The following ATP10B variants were observed in gnomAD, a reference collection of about 807,000 sequenced individuals.
The protein encoded by ATP10B is phospholipid-transporting ATPase VB.
Under a neutral mutation model 141.2 loss-of-function variants are expected in ATP10B, and 122 were observed. The ratio of observed to expected loss-of-function variants is 0.86; its 90% confidence interval spans 0.75 to 1.00. The LOEUF (loss-of-function observed/expected upper bound fraction) is 1.00. Among genes scored for constraint, ATP10B ranks in the 50% least tolerant of loss-of-function variants. The pLI is 0.00. For missense variants in ATP10B, 1,876 were observed against 1,825.3 expected (o/e 1.03, Z -0.51); for synonymous variants, 685 against 692.0 (o/e 0.99, Z 0.16).
chr5:160,771,497 C>T (rs1031922788), intron 2 of ATP10B, among the ~76,000 whole-genome samples: 2 of 151,794 alleles, frequency 1.3e-5, no homozygotes, highest in Non-Finnish European at 2.9e-5. Context: ...ATTTATTGTC[C>T]CTTTTATAAA....
chr5:160,887,950 G>T, the ATP10B span, among the ~76,000 whole-genome samples: 1 of 152,238 alleles, frequency 6.6e-6, no homozygotes, highest in Admixed American at 6.5e-5. Flanking sequence ...GGGAGGCAGA[G>T]ATTTTTGTCT....
chr5:160,641,034 G>C lies in ATP10B; in HGVS notation c.869-442C>G, dbSNP rs1191197867. On this transcript the variant is annotated intron_variant, in intron 9 of 25. Coordinates refer to ENST00000327245, the MANE Select transcript of ATP10B (RefSeq NM_025153.3). Reference sequence around the variant, plus strand: ...CAGTGGGATACAATGGCAAGACATAGGGTTCACATTCTATTGAAGATATAC... The same window carrying C: ...CAGTGGGATACAATGGCAAGACATACGGTTCACATTCTATTGAAGATATAC... 2.6e-5 allele frequency among the ~76,000 whole-genome samples: 4 copies of C among 152,160 alleles called. No homozygotes were observed. In the East Asian group the frequency reaches 5.8e-4, roughly 22 times the overall value.
intron 2 of ATP10B, among the ~76,000 whole-genome samples, chr5:160,778,749 A>G (rs901710267): frequency 1.3e-5 from 2 of 152,234 alleles, no homozygotes; most frequent in African/African-American, 4.8e-5. Flanking sequence ...GTTATTGCTA[A>G]TAGGGGTACG....
rs184120223 is a variant in ATP10B, at chr5:160,846,001, C to T, written c.-576+5940G>A. 2.6e-4 allele frequency among the ~76,000 whole-genome samples: 40 copies of T among 152,226 alleles called. 1 individual carries two copies. The highest frequency in any genetic ancestry group is 9.1e-4 in the African/African-American group (38 of 41,542). Reference sequence around the variant, plus strand: ...AATATTCTTTTGCTTTGTGGACACTCATTTCTAATCTCCAAAGAGAATACA... The same window carrying T: ...AATATTCTTTTGCTTTGTGGACACTTATTTCTAATCTCCAAAGAGAATACA... On this transcript the variant is annotated intron_variant, in intron 1 of 25. Transcript: ENST00000327245.
At chr5:160,740,398 T>TA (rs1561805723) in intron 2 of ATP10B, among the ~76,000 whole-genome samples, 1 of 152,202 alleles carries the variant, frequency 6.6e-6, no homozygotes, top group Non-Finnish European at 1.5e-5. Context: ...GCAGGGAACT[T>TA]ACTACCTCAC....
intron 13 of ATP10B, among the ~76,000 whole-genome samples, chr5:160,631,725 C>G (rs1319657379): frequency 6.6e-6 from 1 of 152,114 alleles, no homozygotes; most frequent in East Asian, 1.9e-4. Flanking sequence ...TATGCAGTTG[C>G]CTCCACCTCA....
chr5:160,729,083 T>C (rs1766559108), intron 2 of ATP10B, among the ~76,000 whole-genome samples: 1 of 152,218 alleles, frequency 6.6e-6, no homozygotes, highest in Non-Finnish European at 1.5e-5. Flanking sequence ...TGGCCTCAGT[T>C]TGCACATCTG....
chr5:160,568,715 G>A (rs772562706), intron 25 of ATP10B, among the ~76,000 whole-genome samples: 1 of 152,156 alleles, frequency 6.6e-6, no homozygotes, highest in Non-Finnish European at 1.5e-5. Context: ...TAGAACCATA[G>A]CTCTGCCCAA....
upstream of ATP10B, chr5:160,852,339 A>G (rs191027754): frequency 1.6e-4 from 25 of 152,314 alleles, no homozygotes; most frequent in East Asian, 4.4e-3. Context: ...CTGTGAATCA[A>G]TGAGCCAGCA....
chr5:160,916,010 C>T, the ATP10B span, among the ~76,000 whole-genome samples: 1 of 152,186 alleles, frequency 6.6e-6, no homozygotes, highest in East Asian at 1.9e-4. Context: ...CTAGAACAGC[C>T]CTCCTGTAAC....
the ATP10B span, among the ~76,000 whole-genome samples, chr5:160,908,249 T>A: frequency 9.2e-5 from 14 of 152,252 alleles, 1 homozygote; most frequent in African/African-American, 3.1e-4. Context: ...AGCCCCCAAG[T>A]CCTCGCCTGG....
chr5:160,818,078 C>T (rs1014786567), intron 1 of ATP10B, among the ~76,000 whole-genome samples: 24 of 152,218 alleles, frequency 1.6e-4, no homozygotes, highest in African/African-American at 5.8e-4. Context: ...CCATTCAGGA[C>T]ACAGGCATGG....
Position 160,655,898 on chromosome 5 carries a change from G to A in ATP10B, c.676-6642C>T, listed in dbSNP as rs551707450. Among the ~76,000 whole-genome samples the A allele has an allele frequency of 4.9e-4, 75 of 152,204 alleles. 1 individual carries two copies. The highest frequency in any genetic ancestry group is 1.7e-3 in the African/African-American group (69 of 41,532). ...TAAGACAACTCAAAGTTCCCAGTCC[G>A]GCTCAGATGTGTCAATAGCGGTATC... On this transcript the variant is annotated intron_variant, in intron 7 of 25. Transcript: ENST00000327245.
intron 2 of ATP10B, among the ~76,000 whole-genome samples, chr5:160,767,546 TGCC>T (rs1769540555): frequency 6.6e-6 from 1 of 151,554 alleles, no homozygotes; most frequent in Non-Finnish European, 1.5e-5. Context: ...AATTATCTGT[TGCC>T]ATAGAATGTA....
At chr5:160,726,880 C>T (rs1766405490) in intron 2 of ATP10B, among the ~76,000 whole-genome samples, 1 of 152,020 alleles carries the variant, frequency 6.6e-6, no homozygotes, top group Non-Finnish European at 1.5e-5. Flanking sequence ...AAAGACTTAT[C>T]AGAAACTCAA....
At chr5:160,770,850 C>T (rs1441909864) in intron 2 of ATP10B, among the ~76,000 whole-genome samples, 1 of 152,148 alleles carries the variant, frequency 6.6e-6, no homozygotes, top group African/African-American at 2.4e-5. Flanking sequence ...GTATGCAATT[C>T]TGGCAAAAAT....
At chr5:160,872,710 C>T in the ATP10B span, among the ~76,000 whole-genome samples, 1 of 152,156 alleles carries the variant, frequency 6.6e-6, no homozygotes, top group Non-Finnish European at 1.5e-5. Flanking sequence ...TTTCAGCGTT[C>T]TCTATTCTTT....
chr5:160,566,503 T>C (rs1012964015), intron 25 of ATP10B, among the ~76,000 whole-genome samples: 1 of 152,126 alleles, frequency 6.6e-6, no homozygotes, highest in Non-Finnish European at 1.5e-5. Context: ...GATAAAGAAA[T>C]AGGGGCCCCA....
chr5:160,638,803 T>C (rs760088810), intron 10 of ATP10B, among the ~76,000 whole-genome samples: 64 of 152,226 alleles, frequency 4.2e-4, no homozygotes, highest in Admixed American at 1.4e-3. Context: ...TGAGTTTTTC[T>C]CTTGATTGTC....
Sources: allele counts gnomAD v4.1 joint callset (sites outside exome capture counted in the v4.1 genomes callset), GRCh38; gene constraint gnomAD v4.1.1; transcripts MANE v1.5; gene names NCBI Gene and HGNC (gene_info 2026-07-23, HGNC 2026-07-21).